Variants in PTPRD observed in about 807,000 individuals in gnomAD.
PTPRD encodes receptor-type tyrosine-protein phosphatase delta.
Under a neutral mutation model 214.5 loss-of-function variants are expected in PTPRD, and 34 were observed. That is an observed-to-expected ratio of 0.16 (90% CI 0.12 to 0.21). The LOEUF is 0.21. Among genes scored for constraint, PTPRD ranks in the 10% least tolerant of loss-of-function variants. The probability of loss-of-function intolerance (pLI) is 1.00; values close to 1 mark genes in which losing one functional copy is unlikely to be tolerated. For synonymous variants in PTPRD, 1,128 were observed against 845.7 expected, an observed-to-expected ratio of 1.33 and a Z score of -5.79; for missense variants, 2,545 against 2,398.7, an observed-to-expected ratio of 1.06 and a Z score of -1.27.
At chr9:9,230,939 G>A (rs2099962713) in intron 9 of PTPRD, among the ~76,000 whole-genome samples, 1 of 152,036 alleles carries the variant, frequency 6.6e-6, no homozygotes, top group Non-Finnish European at 1.5e-5. Flanking sequence ...GCTTTATAGT[G>A]TGCAGTCCAG....
chr9:8,536,892 T>C (rs1290970345), intron 14 of PTPRD, among the ~76,000 whole-genome samples: 1 of 152,022 alleles, frequency 6.6e-6, no homozygotes, highest in Non-Finnish European at 1.5e-5. Context: ...AGGATTATCA[T>C]AGTGTATTTG....
chr9:9,398,864 A>G (rs2141250859), intron 8 of PTPRD, among the ~76,000 whole-genome samples: 1 of 152,142 alleles, frequency 6.6e-6, no homozygotes, highest in African/African-American at 2.4e-5. Flanking sequence ...CTTAGAAAAG[A>G]GAACTTATCT....
chr9:10,332,650 G>A (rs922306594), intron 3 of PTPRD, among the ~76,000 whole-genome samples: 2 of 151,674 alleles, frequency 1.3e-5, no homozygotes, highest in Non-Finnish European at 2.9e-5. Context: ...AACTCAGTAG[G>A]TACTAATACT....
At chr9:8,460,683 T>G in intron 32 of PTPRD, 112 bp from the exon 33 acceptor site, 1 of 1,048,020 alleles carries the variant, frequency 9.5e-7, no homozygotes, top group Non-Finnish European at 1.4e-6. Context: ...ATGATAAGTG[T>G]GTGATGCAAT....
intron 12 of PTPRD, among the ~76,000 whole-genome samples, chr9:8,655,337 TC>T (rs1445887092): frequency 1.3e-5 from 2 of 152,226 alleles, no homozygotes; most frequent in East Asian, 1.9e-4. Context: ...CATAGTTTGA[TC>T]GCAGAAAGGC....
chr9:9,445,650 T>TGAGAATTCAATCACTATCAC (rs2090138730), intron 8 of PTPRD, among the ~76,000 whole-genome samples: 2 of 152,058 alleles, frequency 1.3e-5, no homozygotes, highest in Non-Finnish European at 2.9e-5. Context: ...TCAGATCTCA[T>TGAGAATTCAATCACTATCAC]GAGAATTCAA....
intron 2 of PTPRD, among the ~76,000 whole-genome samples, chr9:10,509,557 T>TTATATATATATATATATATATATA (rs3076461): frequency 0.016 from 1,649 of 106,184 alleles, 71 homozygotes; most frequent in Non-Finnish European, 0.019. Context: ...TTAATAAATA[T>TTATATATATATATATATATATATA]TATATATATA....
At chr9:9,136,124 C>T (rs1417830729) in intron 10 of PTPRD, among the ~76,000 whole-genome samples, 6 of 152,062 alleles carry the variant, frequency 3.9e-5, no homozygotes. Context: ...GGTGAATTCT[C>T]AGCTTTTACA....
Position 10,507,617 on chromosome 9 carries a change from C to T in PTPRD, c.-600+104781G>A, listed in dbSNP as rs771362410. 2.5e-4 allele frequency among the ~76,000 whole-genome samples: 38 copies of T among 152,140 alleles called. 1 individual carries two copies. The highest frequency in any genetic ancestry group is 3.1e-4 in the African/African-American group (13 of 41,496). ...AAAACAGAGATATAGACCAATGGAACGGAACAGAGCCCTCAGAAATAATAT... is the reference window on the plus strand; with the variant it reads ...AAAACAGAGATATAGACCAATGGAATGGAACAGAGCCCTCAGAAATAATAT... On this transcript the variant is annotated intron_variant, in intron 2 of 45. Transcript: ENST00000381196.
At chr9:9,652,025 T>G (rs564998548) in intron 7 of PTPRD, among the ~76,000 whole-genome samples, 2 of 151,632 alleles carry the variant, frequency 1.3e-5, no homozygotes, top group South Asian at 2.1e-4. Context: ...GTATTTTTAG[T>G]AGAGACAGGG....
chr9:10,385,903 T>A (rs2097905887), intron 2 of PTPRD, among the ~76,000 whole-genome samples: 1 of 151,836 alleles, frequency 6.6e-6, no homozygotes, highest in South Asian at 2.1e-4. Context: ...ATAATTATAT[T>A]TTTTACACAT....
At chr9:10,234,279 T>C (rs1414695129) in intron 3 of PTPRD, among the ~76,000 whole-genome samples, 2 of 151,764 alleles carry the variant, frequency 1.3e-5, no homozygotes, top group Non-Finnish European at 2.9e-5. Flanking sequence ...AATAACCATC[T>C]TACAAAATCA....
intron 10 of PTPRD, among the ~76,000 whole-genome samples, chr9:9,088,696 T>C (rs1202949264): frequency 6.6e-6 from 1 of 150,842 alleles, no homozygotes; most frequent in Non-Finnish European, 1.5e-5. Context: ...CCCTGGATAT[T>C]CAAATAGAGC....
intron 5 of PTPRD, among the ~76,000 whole-genome samples, chr9:9,809,571 G>A (rs1423133449): frequency 6.6e-6 from 1 of 152,102 alleles, no homozygotes; most frequent in Non-Finnish European, 1.5e-5. Context: ...GCAGGATCAA[G>A]TGATTTTACA....
intron 8 of PTPRD, among the ~76,000 whole-genome samples, chr9:9,453,241 C>T (rs748454324): frequency 7.3e-5 from 11 of 151,540 alleles, no homozygotes; most frequent in South Asian, 4.1e-4. Flanking sequence ...CCATCTATAT[C>T]ATGTAGTTAC....
intron 11 of PTPRD, among the ~76,000 whole-genome samples, chr9:8,971,348 A>T (rs1261294603): frequency 6.6e-6 from 1 of 151,794 alleles, no homozygotes; most frequent in Non-Finnish European, 1.5e-5. Context: ...AAAAAACCCC[A>T]AAACCTTCCT....
In PTPRD at chr9:9,275,203, AT is replaced by A. The variant is rs540655903; in HGVS notation, c.-202-91841del. Among the ~76,000 whole-genome samples, 13 of 66,156 alleles carry A rather than the reference AT, an allele frequency of 2.0e-4. 1 individual carries two copies. Among genetic ancestry groups the A allele is most frequent in the African/African-American group, 7.3e-4 (11 of 15,104 alleles). 43.4% of individuals were successfully genotyped at this position (66,156 alleles called of 152,430 possible). ...TATATGTTATATATATATATATTAT[AT>A]ATATATATATATAACCATTAGCATT... is the stretch of plus-strand genomic sequence containing the variant. On this transcript the variant is annotated intron_variant, in intron 9 of 45. Transcript: ENST00000381196.
At chr9:9,626,514 T>C (rs899860564) in intron 7 of PTPRD, among the ~76,000 whole-genome samples, 1 of 152,156 alleles carries the variant, frequency 6.6e-6, no homozygotes, top group African/African-American at 2.4e-5. Context: ...GTTGGCACTT[T>C]TAGTTGAATG....
chr9:10,425,089 A>T (rs957156754), intron 2 of PTPRD, among the ~76,000 whole-genome samples: 12 of 151,994 alleles, frequency 7.9e-5, no homozygotes, highest in African/African-American at 2.7e-4. Context: ...ACAATATAAA[A>T]AGAAACAGGA....
Sources: allele counts gnomAD v4.1 joint callset (sites outside exome capture counted in the v4.1 genomes callset), GRCh38; gene constraint gnomAD v4.1.1; transcripts MANE v1.5; gene names NCBI Gene and HGNC (gene_info 2026-07-23, HGNC 2026-07-21).